THEMIS2: variants seen among roughly 807,000 people sequenced by gnomAD.
THEMIS2 encodes thymocyte selection associated family member 2.
A neutral mutation model predicts 46.8 loss-of-function variants in THEMIS2; 29 were observed. The ratio of observed to expected loss-of-function variants is 0.62; its 90% CI spans 0.46 to 0.84. The LOEUF is 0.84. THEMIS2 is among the 40% of genes least tolerant of loss of function. The probability of loss-of-function intolerance (pLI) is 0.00; values close to 1 mark genes in which losing one functional copy is unlikely to be tolerated. For synonymous variants in THEMIS2, 335 were observed against 349.1 expected, an observed-to-expected ratio of 0.96 and a Z score of 0.45; for missense variants, 698 against 834.7, an observed-to-expected ratio of 0.84 and a Z score of 2.02.
intron 3 of THEMIS2, 100 bp downstream of exon 3, chr1:27,880,154 G>A: frequency 7.5e-7 from 1 of 1,332,172 alleles, no homozygotes; most frequent in Admixed American, 2.8e-5. Context: ...CCATCCCTGA[G>A]GATCAGCTGG....
At chr1:27,884,350 T>C (rs778642467) in intron 4 of THEMIS2, 11 of 152,232 alleles carry the variant, frequency 7.2e-5, no homozygotes, top group Non-Finnish European at 1.5e-4. Flanking sequence ...CCAGCTCTTG[T>C]TTTGGGATCT....
rs764161455 is a variant in THEMIS2, at chr1:27,885,856, C to T, written c.1877-11C>T. ...CGCTAAAGATCCTCATTGACTCGGA[C>T]TCTTTTGCAGATGATGATGAACATG... On this transcript the variant is annotated splice_polypyrimidine_tract_variant and intron_variant, in intron 5 of 5. Coordinates refer to ENST00000373921, the MANE Select transcript of THEMIS2 (RefSeq NM_001105556.3). The T allele has an allele frequency of 9.3e-6, 15 of 1,613,794 alleles. No individual in the cohort carries two copies. In the East Asian group the frequency reaches 3.3e-4, roughly 36 times the overall value.
intron 1 of THEMIS2, among the ~76,000 whole-genome samples, chr1:27,874,762 A>G (rs189940124): frequency 1.1e-3 from 173 of 152,140 alleles, no homozygotes; most frequent in African/African-American, 4.0e-3. Context: ...AGTCTGGGCG[A>G]CAGTGAGACT....
intron 5 of THEMIS2, 91 bp from the exon 6 acceptor site, chr1:27,885,776 T>G: frequency 7.6e-7 from 1 of 1,311,892 alleles, no homozygotes; most frequent in Non-Finnish European, 1.1e-6. Context: ...CCAGGCCACC[T>G]CTTTCCCTGC....
chr1:27,882,641 C>T lies in THEMIS2; in HGVS notation c.1317C>T (p.Arg439=). ...SFVEEMSDSR[R]YSLADLTAQF... ...TGGAGGAGATGAGTGACAGCCGGCG[C>T]TACAGCCTGGCAGATCTGACTGCCC... Residue 439 remains arginine, a synonymous_variant, in exon 4 of 6, where the codon CGC becomes CGT. Coordinates refer to ENST00000373921, the MANE Select transcript of THEMIS2 (RefSeq NM_001105556.3). The surrounding 1 kb of genome is among the most constrained non-coding windows in gnomAD (Gnocchi z 7.6). 2 of 1,614,162 alleles carry T rather than the reference C, an allele frequency of 1.2e-6. No homozygotes were observed. Among genetic ancestry groups the T allele is most frequent in the Non-Finnish European group, 8.5e-7 (1 of 1,180,028 alleles).
chr1:27,881,130 GA>G (rs988310684), intron 3 of THEMIS2, among the ~76,000 whole-genome samples: 2 of 150,910 alleles, frequency 1.3e-5, no homozygotes, highest in African/African-American at 4.9e-5. Flanking sequence ...ATACTTGGAG[GA>G]AAAAAAATAA....
chr1:27,877,473 C>G (rs34402280), intron 2 of THEMIS2, among the ~76,000 whole-genome samples: 1 of 151,710 alleles, frequency 6.6e-6, no homozygotes, highest in Non-Finnish European at 1.5e-5. Context: ...CTACAGGCGC[C>G]CGCCACCACA....
rs768311938 is a variant in THEMIS2 at position 27,875,650 on chromosome 1, C to A, written c.95-938C>A. ...TGCGTGAGAGATCTTTATTGAGCAA[C>A]TTCTGTGTTCTCGACACCACTTACA... On this transcript the variant is annotated intron_variant, in intron 1 of 5. Coordinates refer to ENST00000373921, the MANE Select transcript of THEMIS2 (RefSeq NM_001105556.3). 1.2e-3 allele frequency among the ~76,000 whole-genome samples: 176 copies of A among 152,196 alleles called. 1 individual carries two copies. The highest frequency in any genetic ancestry group is 2.0e-3 in the Admixed American group (30 of 15,272).
In THEMIS2 at chr1:27,886,106, T is replaced by A; in HGVS notation, c.*184T>A. The A allele has an allele frequency of 1.6e-6, 1 of 607,240 alleles. No individual in the cohort carries two copies. Among genetic ancestry groups the A allele is most frequent in the Non-Finnish European group, 2.9e-6 (1 of 344,926 alleles). 37.6% of individuals were successfully genotyped at this position (607,240 alleles called of 1,614,324 possible). A position where few individuals can be genotyped will look rare whatever the true frequency, so the allele number is the denominator to read the frequency against. On this transcript the variant is annotated 3_prime_UTR_variant, in exon 6 of 6. Transcript: ENST00000373921. ...CTTCCTTCAGGTTCTAGATTCTTGC[T>A]ACTTAGGGCGGGCTGGTTTGGACCT...
At position 27,879,938 on chromosome 1, in the gene THEMIS2, C is replaced by T; in HGVS notation, c.530C>T (p.Thr177Ile). The T allele has an allele frequency of 1.2e-6, 2 of 1,611,638 alleles. No homozygotes were observed. ...ACATGGGAGCCTAGTGCCCCTCGAA[C>T]TCTGCTCCAGGTCCTACAGGATCCA... Reference protein sequence around the residue: ...FWTWEPSAPRTLLQVLQDPAL... With the variant: ...FWTWEPSAPRILLQVLQDPAL... The change falls in exon 3 of 6, where the codon ACT (threonine) becomes ATT (isoleucine). Residue 177 changes from threonine (T) to isoleucine (I), a missense_variant. Coordinates refer to ENST00000373921, the MANE Select transcript of THEMIS2 (RefSeq NM_001105556.3).
At chr1:27,884,844 G>C (rs573885878) in intron 4 of THEMIS2, 1 of 159,060 alleles carries the variant, frequency 6.3e-6, no homozygotes, top group East Asian at 1.9e-4. Context: ...AAACCACTCA[G>C]AGGGTAACTT....
At chr1:27,874,172 C>G (rs977296706) in intron 1 of THEMIS2, among the ~76,000 whole-genome samples, 1 of 151,760 alleles carries the variant, frequency 6.6e-6, no homozygotes, top group Non-Finnish European at 1.5e-5. Context: ...GCTGGGACCA[C>G]AGGCACGCAC....
Position 27,882,460 on chromosome 1 carries a change from C to G in THEMIS2, c.1136C>G (p.Pro379Arg), listed in dbSNP as rs1313309812. 1.2e-6 allele frequency: 2 copies of G among 1,612,862 alleles called. No homozygotes were observed. The highest frequency in any genetic ancestry group is 1.7e-6 in the Non-Finnish European group (2 of 1,179,048). Residue 379 changes from proline (P) to arginine (R), a missense_variant, in exon 4 of 6, where the codon CCT becomes CGT. Transcript: ENST00000373921. The surrounding 1 kb of genome is among the most constrained non-coding windows in gnomAD (Gnocchi z 7.6). Reference sequence around the variant, plus strand: ...GGTGACCGGCTGGAGGTGCTGGGGCCTGGCCAGGCCCATGGGGCCCAGGGC... The same window carrying G: ...GGTGACCGGCTGGAGGTGCTGGGGCGTGGCCAGGCCCATGGGGCCCAGGGC... Reference protein sequence around the residue: ...AVGDRLEVLGPGQAHGAQGSD... With the variant: ...AVGDRLEVLGRGQAHGAQGSD...
At chr1:27,879,616 C>A (rs1246780929) in intron 2 of THEMIS2, 28 bp from the exon 3 acceptor site, 6 of 1,548,394 alleles carry the variant, frequency 3.9e-6, no homozygotes, top group South Asian at 3.6e-5. Context: ...CCCACAGTGA[C>A]CTGCCTGCTC....
In THEMIS2 at chr1:27,872,975, C is replaced by T. The variant is rs7553672; in HGVS notation, c.94+310C>T. Among the ~76,000 whole-genome samples, 152 of 152,264 alleles carry T rather than the reference C, an allele frequency of 1.0e-3. No individual in the cohort carries two copies. Among genetic ancestry groups the T allele is most frequent in the African/African-American group, 3.5e-3 (144 of 41,558 alleles). ...TGCGCATGGGACAGAGCTCCGACCG[C>T]GCCGGGACGCAGCATTAGGCCGCTG... On this transcript the variant is annotated intron_variant, in intron 1 of 5. Transcript: ENST00000373921. This position sits in a 1 kb window ranked among gnomAD's most constrained non-coding sequence, Gnocchi z 4.9.
At position 27,874,931 on chromosome 1, in the gene THEMIS2, C is replaced by A. The variant is rs150117565; in HGVS notation, c.95-1657C>A. 6.8e-3 allele frequency among the ~76,000 whole-genome samples: 1,034 copies of A among 152,076 alleles called. 8 individuals are homozygous for A. The highest frequency in any genetic ancestry group is 0.014 in the Middle Eastern group (4 of 294). On this transcript the variant is annotated intron_variant, in intron 1 of 5. Transcript: ENST00000373921. ...CCAGTTCTGCCTCCTATTACCTGAT[C>A]ATCATGTACAACCTACTCAGCCCCT...
At chr1:27,875,901 C>A (rs6598909) in intron 1 of THEMIS2, among the ~76,000 whole-genome samples, 151,814 of 151,814 alleles carry the variant, frequency 1, 75,907 homozygotes, top group Non-Finnish European at 1. Flanking sequence ...TCGGGGTTTC[C>A]CTGTGTTAGC....
chr1:27,877,038 C>T (rs1407779380), intron 2 of THEMIS2, among the ~76,000 whole-genome samples: 1 of 152,234 alleles, frequency 6.6e-6, no homozygotes, highest in Admixed American at 6.5e-5. Flanking sequence ...TGCAGACACC[C>T]ATGTGTGCCA....
intron 4 of THEMIS2, chr1:27,883,270 G>A: frequency 5.3e-6 from 3 of 562,952 alleles, no homozygotes; most frequent in Non-Finnish European, 3.1e-6. Flanking sequence ...CCTAAGACTT[G>A]CCCAGGGTCC....
Sources: allele counts gnomAD v4.1 joint callset (sites outside exome capture counted in the v4.1 genomes callset), GRCh38; gene constraint gnomAD v4.1.1; non-coding constraint Gnocchi (gnomAD v3.1); transcripts MANE v1.5; gene names NCBI Gene and HGNC (gene_info 2026-07-23, HGNC 2026-07-21).